Variants in PLEKHG1 observed in about 807,000 individuals in gnomAD.
PLEKHG1 encodes pleckstrin homology and RhoGEF domain containing G1, also known as pleckstrin homology domain-containing family G member 1.
PLEKHG1 carries 44 observed loss-of-function variants against 100.8 expected under a neutral mutation model. The observed-to-expected ratio is 0.44, with a 90% confidence interval of 0.34 to 0.56. The LOEUF (loss-of-function observed/expected upper bound fraction) is 0.56. Among genes scored for constraint, PLEKHG1 ranks in the 20% least tolerant of loss-of-function variants. The probability of loss-of-function intolerance (pLI) is 0.01; values close to 1 mark genes in which losing one functional copy is unlikely to be tolerated. For synonymous variants in PLEKHG1, 640 were observed against 662.5 expected, an observed-to-expected ratio of 0.97 and a Z score of 0.52; for missense variants, 1,545 against 1,720.9, an observed-to-expected ratio of 0.90 and a Z score of 1.81.
intron 5 of PLEKHG1, among the ~76,000 whole-genome samples, chr6:150,800,173 A>T (rs1412862801): frequency 6.6e-6 from 1 of 152,220 alleles, no homozygotes; most frequent in East Asian, 1.9e-4. Flanking sequence ...TACCCAGGGG[A>T]AGAGGTCTCT....
intron 7 of PLEKHG1, among the ~76,000 whole-genome samples, chr6:150,808,523 G>A (rs377013942): frequency 6.6e-6 from 1 of 152,058 alleles, no homozygotes; most frequent in East Asian, 1.9e-4. Context: ...GTATAGGTGG[G>A]CAGATCACTT....
chr6:150,724,388 C>T (rs1420537703), intron 1 of PLEKHG1, among the ~76,000 whole-genome samples: 5 of 152,146 alleles, frequency 3.3e-5, no homozygotes, highest in Non-Finnish European at 7.4e-5. Flanking sequence ...AGACAACTAA[C>T]AGTCCCTCTC....
At chr6:150,809,845 G>T in intron 10 of PLEKHG1, 111 bp downstream of exon 11, 1 of 694,946 alleles carries the variant, frequency 1.4e-6, no homozygotes, top group Non-Finnish European at 2.4e-6. Flanking sequence ...CTCCAGACTG[G>T]GCGACAGAGT....
intron 1 of PLEKHG1, among the ~76,000 whole-genome samples, chr6:150,629,686 C>A (rs1777663342): frequency 6.6e-6 from 1 of 152,178 alleles, no homozygotes; most frequent in African/African-American, 2.4e-5. Flanking sequence ...GTCTCGATCT[C>A]CTGACCTCAT....
At chr6:150,779,258 G>C (rs1785160579) in intron 3 of PLEKHG1, among the ~76,000 whole-genome samples, 1 of 151,790 alleles carries the variant, frequency 6.6e-6, no homozygotes, top group Non-Finnish European at 1.5e-5. Flanking sequence ...CCTCCTACCA[G>C]GAAGTCCACT....
intron 1 of PLEKHG1, among the ~76,000 whole-genome samples, chr6:150,602,550 TCACCTTTCCTCATTTTCA>T (rs1384634075): frequency 6.6e-6 from 1 of 152,260 alleles, no homozygotes; most frequent in Non-Finnish European, 1.5e-5. Flanking sequence ...CTCGGTTTTC[TCACCTTTCCTCATTTTCA>T]CACCTTTCCT....
chr6:150,622,790 A>G (rs747796311), intron 1 of PLEKHG1, among the ~76,000 whole-genome samples: 3 of 152,178 alleles, frequency 2.0e-5, no homozygotes, highest in Non-Finnish European at 2.9e-5. Flanking sequence ...CAATTTTTCT[A>G]TAAGTTGAAA....
At chr6:150,777,192 C>T (rs529947796) in intron 3 of PLEKHG1, among the ~76,000 whole-genome samples, 2 of 150,982 alleles carry the variant, frequency 1.3e-5, no homozygotes, top group South Asian at 2.1e-4. Flanking sequence ...TGCGGTTGCA[C>T]ATCAGCCACA....
At chr6:150,686,225 TAA>T (rs1292417816) in intron 3 of PLEKHG1, among the ~76,000 whole-genome samples, 1 of 152,274 alleles carries the variant, frequency 6.6e-6, no homozygotes, top group Admixed American at 6.5e-5. Flanking sequence ...ATTCATCTTT[TAA>T]AAGTCTTTGA....
At chr6:150,744,160 C>T (rs1414061700) in intron 2 of PLEKHG1, among the ~76,000 whole-genome samples, 2 of 152,114 alleles carry the variant, frequency 1.3e-5, no homozygotes, top group African/African-American at 4.8e-5. Context: ...CTGCAAGCCC[C>T]GCCTCCCGGG....
Position 150,644,332 on chromosome 6 carries a change from G to GGGTTTTTTTTTTTTTTTTTTTT in PLEKHG1, c.-158+6207_-158+6208insGGTTTTTTTTTTTTTTTTTTTT, listed in dbSNP as rs1562404967. On this transcript the variant is annotated intron_variant, in intron 2 of 3. Coordinates refer to the PLEKHG1 transcript ENST00000367326. ...AAAAGAGAGTGGTTTTTTTCTTTTC[G>GGGTTTTTTTTTTTTTTTTTTTT]TGTTTTTTTTTTTTTTTTTTGTTAC... Among the ~76,000 whole-genome samples, 26 of 96,550 alleles carry GGGTTTTTTTTTTTTTTTTTTTT rather than the reference G, an allele frequency of 2.7e-4. No individual in the cohort carries two copies. The South Asian group carries it at 2.7e-3, about 10-fold the overall frequency. The allele number at this position is 96,550 out of a possible 152,430, so 63.3% of individuals were successfully genotyped here.
intron 10 of PLEKHG1, among the ~76,000 whole-genome samples, chr6:150,817,957 G>A (rs1455770855): frequency 6.6e-6 from 1 of 152,096 alleles, no homozygotes; most frequent in Non-Finnish European, 1.5e-5. Flanking sequence ...AGGATTGGGG[G>A]TGCAGTCTTA....
Position 150,689,332 on chromosome 6 carries a change from C to T in PLEKHG1, c.-99+38546C>T, listed in dbSNP as rs567848386. Among the ~76,000 whole-genome samples the T allele has an allele frequency of 4.6e-5, 7 of 152,222 alleles. No individual in the cohort carries two copies. The South Asian group carries it at 8.3e-4, about 18-fold the overall frequency. Reference sequence around the variant, plus strand: ...ATGAAATCCTTTAAGTATTTTTCAACCTACTGGTATTTTTATATTTAAGTT... The same window carrying T: ...ATGAAATCCTTTAAGTATTTTTCAATCTACTGGTATTTTTATATTTAAGTT... On this transcript the variant is annotated intron_variant, in intron 3 of 3. Coordinates refer to the PLEKHG1 transcript ENST00000367326.
chr6:150,730,838 G>A (rs1782211186), intron 1 of PLEKHG1, among the ~76,000 whole-genome samples: 1 of 151,780 alleles, frequency 6.6e-6, no homozygotes, highest in Non-Finnish European at 1.5e-5. Context: ...GGAGGCGGAG[G>A]TTGCAATGAG....
chr6:150,815,180 T>G (rs1400979603), intron 10 of PLEKHG1, among the ~76,000 whole-genome samples: 2 of 152,248 alleles, frequency 1.3e-5, no homozygotes, highest in African/African-American at 4.8e-5. Flanking sequence ...TTCTGTGAAA[T>G]GAATGCATAG....
intron 14 of PLEKHG1, chr6:150,827,683 C>T: frequency 6.1e-6 from 6 of 982,528 alleles, no homozygotes; most frequent in Non-Finnish European, 9.9e-6. Flanking sequence ...CCAACGCAGA[C>T]ACTGAGTGGA....
intron 1 of PLEKHG1, among the ~76,000 whole-genome samples, chr6:150,728,160 G>C (rs2128613839): frequency 6.6e-6 from 1 of 152,246 alleles, no homozygotes; most frequent in Middle Eastern, 3.4e-3. Flanking sequence ...ACTATTATTT[G>C]AACAAAGATT....
At chr6:150,840,525 A>G in exon 16 of PLEKHG1, 1 of 1,614,200 alleles carries the variant, frequency 6.2e-7, no homozygotes, top group Non-Finnish European at 8.5e-7. Context: ...CCAAATTGCA[A>G]CACAGAATTA....
At chr6:150,782,424 G>A (rs75674912) in intron 3 of PLEKHG1, among the ~76,000 whole-genome samples, 304 of 152,114 alleles carry the variant, frequency 2.0e-3, no homozygotes, top group African/African-American at 6.9e-3. Context: ...TAAAGTACCA[G>A]TATAGTACAT....
Sources: gnomAD v4.1 joint callset for allele counts (sites outside exome capture counted in the v4.1 genomes callset) on GRCh38, gnomAD v4.1.1 for gene constraint, MANE v1.5 for transcripts, NCBI Gene and HGNC (gene_info 2026-07-23, HGNC 2026-07-21) for gene names.